SMG1: variants seen among roughly 807,000 people sequenced by gnomAD.
The protein encoded by SMG1 is SMG1 nonsense mediated mRNA decay associated PI3K related kinase, also known as serine/threonine-protein kinase SMG1.
A neutral mutation model predicts 419.9 loss-of-function variants in SMG1; 22 were observed. That is an observed-to-expected ratio of 0.05 (90% CI 0.04 to 0.07). The LOEUF is 0.07. Among genes scored for constraint, SMG1 ranks in the 10% least tolerant of loss-of-function variants. SMG1 has a pLI of 1.00. For missense variants in SMG1, 3,185 were observed against 4,342.0 expected, an observed-to-expected ratio of 0.73 and a Z score of 7.49; for synonymous variants, 1,538 against 1,553.5, an observed-to-expected ratio of 0.99 and a Z score of 0.23.
At chr16:18,874,208 A>G (rs1030887744) in intron 13 of SMG1, among the ~76,000 whole-genome samples, 3 of 151,800 alleles carry the variant, frequency 2.0e-5, no homozygotes, top group Admixed American at 2.0e-4. Context: ...GTGTGATCTC[A>G]GCTCACTGCA....
At position 18,858,204 on chromosome 16, in the gene SMG1, A is replaced by C; in HGVS notation, c.4200T>G (p.Thr1400=). 1 of 1,595,132 alleles carries C rather than the reference A, an allele frequency of 6.3e-7. No individual in the cohort carries two copies. The highest frequency in any genetic ancestry group is 1.3e-5 in the African/African-American group (1 of 74,618). Residue 1400 remains threonine (T), a synonymous_variant, in exon 29 of 63, where the codon ACT becomes ACG. Coordinates refer to ENST00000446231, the MANE Select transcript of SMG1 (RefSeq NM_015092.5). The part of the protein sequence containing the change: ...VRPWMQALRY[T]MYQNQLLEKI... ...TCTCCAACAACTGATTCTGGTACAT[A>C]GTATACCTTAATGCCTGCATCCATG...
At position 18,896,835 on chromosome 16, in the gene SMG1, C is replaced by A; in HGVS notation, c.214G>T (p.Asp72Tyr). Residue 72 changes from aspartate to tyrosine, a missense_variant, in exon 2 of 63, where the codon GAT becomes TAT. Coordinates refer to ENST00000446231, the MANE Select transcript of SMG1 (RefSeq NM_015092.5). ...ATGTCAGCGTGGACTCTGGTATCAT[C>A]GTGCCTTTGCCGAGACACCACAGCT... ...NSAVVSRQRH[D>Y]DTRVHADIQN... is the part of the protein sequence containing the mutation. 2 of 1,609,152 alleles carry A rather than the reference C, an allele frequency of 1.2e-6. No individual in the cohort carries two copies. Among genetic ancestry groups the A allele is most frequent in the Non-Finnish European group, 1.7e-6 (2 of 1,178,022 alleles).
chr16:18,911,945 G>A (rs1005705277), intron 1 of SMG1, among the ~76,000 whole-genome samples: 3 of 151,936 alleles, frequency 2.0e-5, no homozygotes, highest in African/African-American at 7.2e-5. Flanking sequence ...GCCAGGCGTG[G>A]TGGCATGCAC....
rs753792533 is a variant in SMG1 at position 18,868,199 on chromosome 16, G to A, written c.3186C>T (p.Ser1062=). The A allele has an allele frequency of 2.0e-5, 32 of 1,576,696 alleles. No individual in the cohort carries two copies. Among genetic ancestry groups the A allele is most frequent in the Admixed American group, 1.1e-4 (6 of 57,020 alleles). ...AAACACACCACATTACCTGAGATAG[G>A]CTGGTTGTTTTCATCTCTGTAAGCA... ...FDLLTEMKTT[S]LSQGNELEVT... The change falls in exon 22 of 63, where the codon AGC becomes AGT. Residue 1062 remains serine, a synonymous_variant. Coordinates refer to ENST00000446231, the MANE Select transcript of SMG1 (RefSeq NM_015092.5).
rs1262706590 is a variant in SMG1 at position 18,815,777 on chromosome 16, C to T, written c.10303-126G>A. ...AGTGTGTTTAAACTGCTTAGTTCAA[C>T]TCCATTTTTATAGGAACTTTGTTTC... On this transcript the variant is annotated intron_variant, in intron 58 of 62. Transcript: ENST00000446231. 5.8e-6 allele frequency: 4 copies of T among 690,334 alleles called. No homozygotes were observed. The East Asian group carries it at 1.1e-4, about 20-fold the overall frequency. 42.8% of individuals were successfully genotyped at this position (690,334 alleles called of 1,614,324 possible).
chr16:18,913,360 A>C (rs1395275199), intron 1 of SMG1, among the ~76,000 whole-genome samples: 1 of 152,136 alleles, frequency 6.6e-6, no homozygotes, highest in East Asian at 1.9e-4. Context: ...ATGAAAGTTA[A>C]AATTTCAAAC....
chr16:18,895,912 T>A, intron 3 of SMG1, 140 bp downstream of exon 3: 1 of 842,164 alleles, frequency 1.2e-6, no homozygotes, highest in Non-Finnish European at 2.0e-6. Flanking sequence ...TAGTGGGAAA[T>A]GAATGTAAAC....
intron 1 of SMG1, among the ~76,000 whole-genome samples, chr16:18,904,008 A>C (rs1312963775): frequency 7.5e-6 from 1 of 133,414 alleles, no homozygotes; most frequent in African/African-American, 2.9e-5. Context: ...CGTGATCTCG[A>C]CTCACTGCAA....
At chr16:18,841,038 C>A (rs2641837) in intron 41 of SMG1, among the ~76,000 whole-genome samples, 2 of 151,910 alleles carry the variant, frequency 1.3e-5, no homozygotes, top group Admixed American at 6.6e-5. Context: ...CTAGCCTGGA[C>A]AACAGAGCAA....
chr16:18,899,090 A>T (rs2037245825), intron 1 of SMG1, among the ~76,000 whole-genome samples: 1 of 152,194 alleles, frequency 6.6e-6, no homozygotes, highest in Non-Finnish European at 1.5e-5. Context: ...AAATAAACTC[A>T]GTTTCCAGTC....
chr16:18,926,380 CG>C lies in SMG1; in HGVS notation c.-340del. ...GAGGACGACGAGGAGCAGGCGGTGG[CG>C]GCAGCTCCTCACGCTCACACGGCCA... On this transcript the variant is annotated 5_prime_UTR_variant, in exon 1 of 63. Coordinates refer to ENST00000446231, the MANE Select transcript of SMG1 (RefSeq NM_015092.5). The C allele has an allele frequency of 3.6e-6, 1 of 274,316 alleles. No homozygotes were observed. The highest frequency in any genetic ancestry group is 6.9e-6 in the Non-Finnish European group (1 of 145,570). The allele number at this position is 274,316 out of a possible 1,614,324, so 17.0% of individuals were successfully genotyped here.
At chr16:18,894,119 T>C (rs1307301242) in intron 3 of SMG1, among the ~76,000 whole-genome samples, 2 of 151,772 alleles carry the variant, frequency 1.3e-5, no homozygotes, top group Non-Finnish European at 2.9e-5. Context: ...ACACACTGGA[T>C]CCTTTTGGAG....
intron 23 of SMG1, 51 bp downstream of exon 23, chr16:18,866,570 G>A (rs2035521007): frequency 1.9e-6 from 3 of 1,546,472 alleles, no homozygotes; most frequent in South Asian, 1.1e-5. Context: ...GTAATACACA[G>A]AACTTAAACA....
At chr16:18,844,570 T>TCACACACACACACACA (rs56381713) in intron 39 of SMG1, among the ~76,000 whole-genome samples, 4,028 of 88,524 alleles carry the variant, frequency 0.046, 718 homozygotes, top group African/African-American at 0.16. Flanking sequence ...CATCCTTCTC[T>TCACACACACACACACA]CACACACACA....
rs374815166 is a variant in SMG1 at position 18,836,459 on chromosome 16, A to T, written c.7678T>A (p.Phe2560Ile). ...QEAIQVKLNEFEQWITHYQAA... is the reference protein window; with the variant it reads ...QEAIQVKLNEIEQWITHYQAA... ...TGATAATGTGTTATCCATTGTTCAA[A>T]TTCATTCAGCTTCACCTGGATTGCT... The change falls in exon 47 of 63, where the codon TTT (phenylalanine) becomes ATT (isoleucine). Residue 2560 changes from phenylalanine (F) to isoleucine (I), a missense_variant. Transcript: ENST00000446231. The T allele has an allele frequency of 3.7e-6, 6 of 1,613,944 alleles. No homozygotes were observed. Among genetic ancestry groups the T allele is most frequent in the Non-Finnish European group, 5.1e-6 (6 of 1,179,904 alleles).
rs1287247770 is a variant in SMG1, at chr16:18,808,548, CTATGA to C, written c.*1016_*1020del. 5 of 152,134 alleles carry C rather than the reference CTATGA, an allele frequency of 3.3e-5. No individual in the cohort carries two copies. Among genetic ancestry groups the C allele is most frequent in the African/African-American group, 1.2e-4 (5 of 41,406 alleles). The allele number at this position is 152,134 out of a possible 1,614,324, so 9.4% of individuals were successfully genotyped here. ...AAGATTACACTGGATTAGCTACTTT[CTATGA>C]AAGAAACTACAGCTATCACAGAAGA... On this transcript the variant is annotated 3_prime_UTR_variant, in exon 63 of 63. Transcript: ENST00000446231.
chr16:18,879,778 G>C (rs1229276142), intron 10 of SMG1, 59 bp from the exon 11 acceptor site: 24 of 1,292,632 alleles, frequency 1.9e-5, no homozygotes, highest in African/African-American at 7.2e-5. Context: ...CACAAAGCAA[G>C]AAAATACTTT....
At chr16:18,844,047 T>C (rs1283904371) in intron 39 of SMG1, among the ~76,000 whole-genome samples, 2 of 150,958 alleles carry the variant, frequency 1.3e-5, no homozygotes, top group Non-Finnish European at 1.5e-5. Flanking sequence ...AAACAGGGTT[T>C]ACAGGGTTTC....
At chr16:18,880,910 T>G (rs528515269) in intron 10 of SMG1, among the ~76,000 whole-genome samples, 2 of 149,956 alleles carry the variant, frequency 1.3e-5, no homozygotes, top group East Asian at 4.0e-4. Flanking sequence ...GAAGATCACT[T>G]GAGCCCAAGA....
Sources: gnomAD v4.1 joint callset for allele counts (sites outside exome capture counted in the v4.1 genomes callset) on GRCh38, gnomAD v4.1.1 for gene constraint, MANE v1.5 for transcripts, NCBI Gene and HGNC (gene_info 2026-07-23, HGNC 2026-07-21) for gene names.